FAM135B: variants seen among roughly 807,000 people sequenced by gnomAD.
The protein encoded by FAM135B is protein FAM135B.
In FAM135B, 43 loss-of-function variants were observed where a neutral mutation model predicts 127.7. The ratio of observed to expected loss-of-function variants is 0.34; its 90% confidence interval spans 0.26 to 0.43. The LOEUF (loss-of-function observed/expected upper bound fraction) is 0.43, where lower values mean the gene tolerates loss of function less well. Ranked by LOEUF, FAM135B falls within the 20% of genes least tolerant of loss-of-function variation. The pLI, the probability that FAM135B is intolerant of heterozygous loss-of-function variation, is 1.00. For synonymous variants in FAM135B, 670 were observed against 665.1 expected (o/e 1.01, Z -0.11); for missense variants, 1,558 against 1,725.6 (o/e 0.90, Z 1.72).
At chr8:138,448,773 G>A (rs1162103815) in intron 1 of FAM135B, among the ~76,000 whole-genome samples, 1 of 150,388 alleles carries the variant, frequency 6.6e-6, no homozygotes, top group South Asian at 2.1e-4. Context: ...CTGTTCCTCT[G>A]GAAAACCTAA....
intron 3 of FAM135B, among the ~76,000 whole-genome samples, chr8:138,283,788 G>A (rs148572321): frequency 0.011 from 1,611 of 152,192 alleles, 13 homozygotes; most frequent in Middle Eastern, 0.027. Context: ...AGGTATGTCT[G>A]ACCATGTTAA....
intron 7 of FAM135B, among the ~76,000 whole-genome samples, chr8:138,220,061 T>TCACACACATACACA (rs1554635529): frequency 6.8e-6 from 1 of 146,412 alleles, no homozygotes; most frequent in Non-Finnish European, 1.5e-5. Context: ...TTGCCTAAAA[T>TCACACACATACACA]CACACACACA....
intron 7 of FAM135B, among the ~76,000 whole-genome samples, chr8:138,202,495 C>T (rs1817219766): frequency 6.6e-6 from 1 of 152,286 alleles, no homozygotes; most frequent in East Asian, 1.9e-4. Flanking sequence ...AAGTGATCCT[C>T]TCTCCTCAGC....
chr8:138,181,628 A>T (rs936911130), intron 9 of FAM135B, among the ~76,000 whole-genome samples: 1 of 151,912 alleles, frequency 6.6e-6, no homozygotes, highest in South Asian at 2.1e-4. Flanking sequence ...TCTTCTTTTC[A>T]TCACTATGGA....
At chr8:138,406,011 TC>T (rs780799404) in intron 1 of FAM135B, among the ~76,000 whole-genome samples, 9 of 149,014 alleles carry the variant, frequency 6.0e-5, no homozygotes, top group Non-Finnish European at 1.0e-4. Flanking sequence ...ATAAATGTCT[TC>T]TTTTGAGAAG....
At chr8:138,261,576 A>T (rs1822541376) in intron 4 of FAM135B, among the ~76,000 whole-genome samples, 1 of 152,054 alleles carries the variant, frequency 6.6e-6, no homozygotes, top group South Asian at 2.1e-4. Context: ...TCTTTTTACT[A>T]TTCTATGCAT....
At chr8:138,372,611 T>G (rs968103234) in intron 1 of FAM135B, among the ~76,000 whole-genome samples, 21 of 152,318 alleles carry the variant, frequency 1.4e-4, no homozygotes, top group Middle Eastern at 3.4e-3. Context: ...TAATACCTAC[T>G]TCCTGGAGTA....
intron 1 of FAM135B, among the ~76,000 whole-genome samples, chr8:138,471,895 T>A (rs1041506618): frequency 6.6e-6 from 1 of 151,550 alleles, no homozygotes; most frequent in Non-Finnish European, 1.5e-5. Flanking sequence ...AAGAATGAAA[T>A]CAAGGAAAAA....
intron 3 of FAM135B, among the ~76,000 whole-genome samples, chr8:138,287,730 A>G (rs1424246080): frequency 6.6e-6 from 1 of 152,180 alleles, no homozygotes; most frequent in East Asian, 1.9e-4. Context: ...TGAAGTCACT[A>G]AAGGAGATGG....
At chr8:138,265,049 T>C (rs541769317) in intron 4 of FAM135B, among the ~76,000 whole-genome samples, 6 of 152,314 alleles carry the variant, frequency 3.9e-5, no homozygotes, top group Admixed American at 3.9e-4. Context: ...AATAGGAAAT[T>C]TTCAATCAAG....
intron 2 of FAM135B, among the ~76,000 whole-genome samples, chr8:138,350,600 G>A (rs959133599): frequency 2.6e-5 from 4 of 152,120 alleles, no homozygotes; most frequent in African/African-American, 7.2e-5. Flanking sequence ...GTATCTGAAG[G>A]ACTAATGTTC....
In FAM135B at chr8:138,243,031, C is replaced by A. The variant is rs761982883; in HGVS notation, c.580G>T (p.Gly194Cys). ...RPGRGSWLGK[G>C]GPDTGQEQSI... ...TGTTCTTGTCCGGTGTCTGGGCCAC[C>A]TTTACCAAGCCAGGAGCCTCTTCCT... Residue 194 changes from glycine to cysteine, a missense_variant, in exon 7 of 20, where the codon GGT becomes TGT. Gly to Cys is a radical substitution (Grantham distance 159). Around this residue, in one of 5 missense-constraint regions of FAM135B, gnomAD observed 127 missense variants for 109.7 expected, o/e 1.16. Transcript: ENST00000395297. This position sits in a 1 kb window ranked among gnomAD's most constrained non-coding sequence, Gnocchi z 7.5. The A allele has an allele frequency of 1.9e-6, 3 of 1,613,152 alleles. No individual in the cohort carries two copies. The highest frequency in any genetic ancestry group is 2.2e-5 in the East Asian group (1 of 44,838).
At chr8:138,435,655 A>G (rs1835416606) in intron 1 of FAM135B, among the ~76,000 whole-genome samples, 1 of 152,210 alleles carries the variant, frequency 6.6e-6, no homozygotes, top group African/African-American at 2.4e-5. Flanking sequence ...TTATCTCATC[A>G]GGCCTCAATA....
chr8:138,259,134 C>T (rs1305206151), intron 4 of FAM135B, among the ~76,000 whole-genome samples: 1 of 152,308 alleles, frequency 6.6e-6, no homozygotes, highest in East Asian at 1.9e-4. Context: ...TAGTGAGAGT[C>T]CCACATCCCA....
intron 2 of FAM135B, among the ~76,000 whole-genome samples, chr8:138,352,440 A>G (rs1829840508): frequency 6.6e-6 from 1 of 152,174 alleles, no homozygotes; most frequent in South Asian, 2.1e-4. Context: ...AATATCAAGA[A>G]CCATGCACAG....
intron 7 of FAM135B, among the ~76,000 whole-genome samples, chr8:138,209,731 T>C (rs1214638510): frequency 1.3e-5 from 2 of 152,158 alleles, no homozygotes; most frequent in Admixed American, 6.6e-5. Flanking sequence ...TGGTTTCTGG[T>C]CCCTCAAACC....
intron 7 of FAM135B, among the ~76,000 whole-genome samples, chr8:138,238,380 A>G (rs1434620706): frequency 6.6e-6 from 1 of 152,166 alleles, no homozygotes; most frequent in African/African-American, 2.4e-5. Context: ...AAGAGGGTAA[A>G]TAATTCCCCT....
intron 1 of FAM135B, among the ~76,000 whole-genome samples, chr8:138,393,794 A>G (rs1029217244): frequency 6.6e-5 from 10 of 152,148 alleles, no homozygotes; most frequent in African/African-American, 2.4e-4. Context: ...AGTGTGTGCC[A>G]CATAAAGCCT....
At chr8:138,486,156 T>C (rs1391621090) in intron 1 of FAM135B, among the ~76,000 whole-genome samples, 2 of 151,886 alleles carry the variant, frequency 1.3e-5, no homozygotes, top group Admixed American at 6.6e-5. Flanking sequence ...GGTCAGTAGA[T>C]GCTTTTAAGA....
Sources: gnomAD v4.1 joint callset for allele counts (sites outside exome capture counted in the v4.1 genomes callset) on GRCh38, gnomAD v4.1.1 for gene constraint, gnomAD v4.1.1 regional missense constraint, Gnocchi (gnomAD v3.1) non-coding constraint, MANE v1.5 for transcripts, NCBI Gene and HGNC (gene_info 2026-07-23, HGNC 2026-07-21) for gene names.